The following TMEM165 variants were observed in gnomAD, a reference collection of about 807,000 sequenced individuals.
TMEM165 encodes transmembrane protein 165, also known as putative divalent cation/proton antiporter TMEM165.
TMEM165 carries 19 observed loss-of-function variants against 30.0 expected under a neutral mutation model. That is an observed-to-expected ratio of 0.63 (90% CI 0.44 to 0.93). The LOEUF (loss-of-function observed/expected upper bound fraction) is 0.93, where lower values mean the gene tolerates loss of function less well. TMEM165 is among the 40% of genes least tolerant of loss of function. The probability of loss-of-function intolerance (pLI) is 0.00; values close to 1 mark genes in which losing one functional copy is unlikely to be tolerated. For synonymous variants in TMEM165, 168 were observed against 162.9 expected, an observed-to-expected ratio of 1.03 and a Z score of -0.24; for missense variants, 340 against 417.0, an observed-to-expected ratio of 0.82 and a Z score of 1.61.
downstream of TMEM165, among the ~76,000 whole-genome samples, chr4:55,426,382 C>T (rs1219108144): frequency 1.3e-5 from 2 of 152,170 alleles, no homozygotes; most frequent in African/African-American, 4.8e-5. Flanking sequence ...AAAACTAACT[C>T]ACCCAAGGTT....
At chr4:55,446,580 C>T (rs1255182765) in intron 3 of TMEM165, among the ~76,000 whole-genome samples, 1 of 152,056 alleles carries the variant, frequency 6.6e-6, no homozygotes, top group Non-Finnish European at 1.5e-5. Context: ...CTTTTAAAGA[C>T]TAGGCAAGTA....
chr4:55,397,049 C>CT (rs1720755732), intron 1 of TMEM165: 1 of 152,142 alleles, frequency 6.6e-6, no homozygotes, highest in Admixed American at 6.5e-5. Flanking sequence ...TAGAAATCAA[C>CT]TTTTTAATCT....
At chr4:55,449,543 G>T in intron 3 of TMEM165, 3 of 1,439,854 alleles carry the variant, frequency 2.1e-6, no homozygotes, top group Non-Finnish European at 2.9e-6. Flanking sequence ...ATAAAATATA[G>T]TTTTTAAAGA....
At chr4:55,451,123 C>G (rs1211805477) in intron 3 of TMEM165, among the ~76,000 whole-genome samples, 1 of 151,904 alleles carries the variant, frequency 6.6e-6, no homozygotes, top group Admixed American at 6.6e-5. Flanking sequence ...GTAGCAAAAC[C>G]CCTCCCTATT....
intron 3 of TMEM165, chr4:55,449,263 T>C (rs1414461345): frequency 1.3e-6 from 1 of 769,784 alleles, no homozygotes. Flanking sequence ...AAGTCTTAAG[T>C]AAGTGTCACA....
intron 1 of TMEM165, among the ~76,000 whole-genome samples, chr4:55,399,897 A>C (rs1343297995): frequency 6.7e-6 from 1 of 149,276 alleles, no homozygotes; most frequent in African/African-American, 2.5e-5. Flanking sequence ...ATATAATATG[A>C]TTTTTCCGTT....
chr4:55,402,403 GTATATATA>G (rs869107499), intron 1 of TMEM165, among the ~76,000 whole-genome samples: 37 of 48,162 alleles, frequency 7.7e-4, no homozygotes, highest in East Asian at 2.6e-3. Flanking sequence ...GTGTGTGTGT[GTATATATA>G]TATATATATA....
At chr4:55,431,084 CA>C (rs1300695443), downstream of TMEM165, 1 of 152,256 alleles carries the variant, frequency 6.6e-6, no homozygotes, top group Non-Finnish European at 1.5e-5. Context: ...TAAACTTTAT[CA>C]AAATGAGTAA....
At chr4:55,448,638 G>A (rs1724146599) in intron 3 of TMEM165, 1 of 571,920 alleles carries the variant, frequency 1.7e-6, no homozygotes, top group South Asian at 1.8e-5. Flanking sequence ...GTGTGTGTGT[G>A]TGTGTGCTCC....
At chr4:55,444,600 G>T in intron 3 of TMEM165, 3 of 1,613,322 alleles carry the variant, frequency 1.9e-6, no homozygotes, top group Non-Finnish European at 1.7e-6. Flanking sequence ...ATGTGAATGG[G>T]ATGCTTTGTT....
In TMEM165 at chr4:55,442,490, G is replaced by C. The variant is rs755128854; in HGVS notation, c.409-9749G>C. On this transcript the variant is annotated intron_variant, in intron 3 of 3. Transcript: ENST00000608091. Reference sequence around the variant, plus strand: ...GCAGCACTCTGGGTGCTGTTTTGTGGCATACTAGATGGAATCTGGACCATG... The same window carrying C: ...GCAGCACTCTGGGTGCTGTTTTGTGCCATACTAGATGGAATCTGGACCATG... The C allele has an allele frequency of 6.2e-6, 10 of 1,607,258 alleles. No homozygotes were observed. The Admixed American group carries it at 1.7e-4, about 27-fold the overall frequency.
chr4:55,432,723 C>T (rs1722604131), intron 3 of TMEM165: 1 of 152,084 alleles, frequency 6.6e-6, no homozygotes, highest in African/African-American at 2.4e-5. Context: ...TCTTCCACTA[C>T]TACGCTTCAG....
exon 4 of TMEM165, chr4:55,453,193 G>T (rs1724622233): frequency 7.8e-7 from 1 of 1,287,978 alleles, no homozygotes; most frequent in South Asian, 1.2e-5. Context: ...CTGCACAGCT[G>T]TAACTATTCA....
downstream of TMEM165, chr4:55,429,531 AT>A (rs148674653): frequency 6.6e-6 from 1 of 152,202 alleles, no homozygotes; most frequent in Non-Finnish European, 1.5e-5. Flanking sequence ...GACAGCAAAC[AT>A]TTTTTGTAGA....
intron 3 of TMEM165, chr4:55,434,389 A>C (rs1028910713): frequency 6.6e-6 from 1 of 152,670 alleles, no homozygotes; most frequent in African/African-American, 2.4e-5. Context: ...TAACTGAAAC[A>C]TTCTTGAAAT....
chr4:55,403,335 G>T, intron 1 of TMEM165: 1 of 1,248,100 alleles, frequency 8.0e-7, no homozygotes, highest in Non-Finnish European at 1.0e-6. Flanking sequence ...AGATTCCGAT[G>T]CAGGTATCTG....
rs75386698 is a variant in TMEM165 at position 55,439,744 on chromosome 4, T to C, written c.409-12495T>C. On this transcript the variant is annotated intron_variant, in intron 3 of 3. Coordinates refer to the TMEM165 transcript ENST00000608091. ...CCTGAGAACATTATCCTAAGTAAAATAAGCCATTCACAAAAGGACAAATAC... is the reference window on the plus strand; with the variant it reads ...CCTGAGAACATTATCCTAAGTAAAACAAGCCATTCACAAAAGGACAAATAC... Among the ~76,000 whole-genome samples, 416 of 152,242 alleles carry C rather than the reference T, an allele frequency of 2.7e-3. 2 individuals carry two copies. The highest frequency in any genetic ancestry group is 9.9e-3 in the African/African-American group (411 of 41,550).
chr4:55,433,017 T>C (rs143500597), intron 3 of TMEM165: 46 of 152,706 alleles, frequency 3.0e-4, no homozygotes, highest in African/African-American at 1.0e-3. Flanking sequence ...CAGGCCTCAA[T>C]ATAATAGTTC....
intron 4 of TMEM165, chr4:55,423,847 C>T (rs1419055737): frequency 2.6e-5 from 4 of 152,372 alleles, no homozygotes; most frequent in African/African-American, 9.7e-5. Context: ...CACCTACCCT[C>T]ATGACCTCCT....
Sources: gnomAD v4.1 joint callset for allele counts (sites outside exome capture counted in the v4.1 genomes callset) on GRCh38, gnomAD v4.1.1 for gene constraint, MANE v1.5 for transcripts, NCBI Gene and HGNC (gene_info 2026-07-23, HGNC 2026-07-21) for gene names.